Variants in DPP10 observed in about 807,000 individuals in gnomAD.
DPP10 encodes the protein dipeptidyl peptidase like 10.
A neutral mutation model predicts 120.9 loss-of-function variants in DPP10; 33 were observed. The ratio of observed to expected loss-of-function variants is 0.27; its 90% CI spans 0.21 to 0.37. The LOEUF (loss-of-function observed/expected upper bound fraction) is 0.37. Ranked by LOEUF, DPP10 falls within the 10% of genes least tolerant of loss-of-function variation. The probability of loss-of-function intolerance (pLI) is 1.00; values close to 1 mark genes in which losing one functional copy is unlikely to be tolerated. For missense variants in DPP10, 816 were observed against 942.8 expected (o/e 0.87, Z 1.76); for synonymous variants, 337 against 326.1 (o/e 1.03, Z -0.36).
chr2:115,708,311 G>C (rs2092201039), intron 7 of DPP10, among the ~76,000 whole-genome samples: 2 of 151,850 alleles, frequency 1.3e-5, no homozygotes, highest in South Asian at 4.2e-4. Flanking sequence ...ACTGTGACTT[G>C]GACCTTAATT....
At chr2:115,405,229 G>T (rs536245253) in intron 3 of DPP10, among the ~76,000 whole-genome samples, 1 of 152,292 alleles carries the variant, frequency 6.6e-6, no homozygotes, top group East Asian at 1.9e-4. Context: ...TTCCAAAAGG[G>T]AGAGAGAGGC....
Position 114,897,609 on chromosome 2 carries a change from G to A in DPP10, c.61-411630G>A, listed in dbSNP as rs1208936412. Among the ~76,000 whole-genome samples the A allele has an allele frequency of 2.0e-5, 3 of 151,562 alleles. No individual in the cohort carries two copies. In the East Asian group the frequency reaches 5.8e-4, roughly 29 times the overall value. Reference sequence around the variant, plus strand: ...TCACAACCTACTCATCTGACAAAGGGCTAATATCCAGAATCTACAATGAAC... The same window carrying A: ...TCACAACCTACTCATCTGACAAAGGACTAATATCCAGAATCTACAATGAAC... On this transcript the variant is annotated intron_variant, in intron 1 of 25. Transcript: ENST00000410059.
At chr2:115,021,645 T>C (rs1208635990) in intron 1 of DPP10, among the ~76,000 whole-genome samples, 1 of 152,148 alleles carries the variant, frequency 6.6e-6, no homozygotes, top group Non-Finnish European at 1.5e-5. Flanking sequence ...GAGGGAATCC[T>C]ACCTAAATCG....
At chr2:114,918,778 T>A (rs372047405) in intron 1 of DPP10, among the ~76,000 whole-genome samples, 1 of 152,008 alleles carries the variant, frequency 6.6e-6, no homozygotes, top group African/African-American at 2.4e-5. Context: ...GGATCAATAG[T>A]CACTGGGAAT....
intron 7 of DPP10, among the ~76,000 whole-genome samples, chr2:115,715,198 G>A (rs1159967017): frequency 1.3e-5 from 2 of 151,528 alleles, no homozygotes; most frequent in South Asian, 2.1e-4. Flanking sequence ...AATTAGCTGG[G>A]CGTGGTGGCA....
At chr2:114,950,587 T>A (rs1051080445) in intron 1 of DPP10, among the ~76,000 whole-genome samples, 1 of 151,900 alleles carries the variant, frequency 6.6e-6, no homozygotes. Flanking sequence ...TAATACAACA[T>A]CTTGAATACC....
At chr2:115,456,308 C>A (rs1233564275) in intron 3 of DPP10, among the ~76,000 whole-genome samples, 1 of 152,088 alleles carries the variant, frequency 6.6e-6, no homozygotes, top group Non-Finnish European at 1.5e-5. Flanking sequence ...AGTCAGGAAA[C>A]AACAGATGCT....
At chr2:114,457,989 T>C (rs146790006) in intron 1 of DPP10, among the ~76,000 whole-genome samples, 66 of 152,306 alleles carry the variant, frequency 4.3e-4, no homozygotes, top group African/African-American at 1.5e-3. Flanking sequence ...ATTCCTTATG[T>C]GCTGTCGGAA....
chr2:114,793,383 T>A (rs1434606677), intron 1 of DPP10, among the ~76,000 whole-genome samples: 3 of 152,026 alleles, frequency 2.0e-5, no homozygotes, highest in African/African-American at 7.2e-5. Context: ...CACTTATGAG[T>A]GAGGACATGT....
chr2:115,221,754 G>GTTTTTT (rs56077672), intron 1 of DPP10, among the ~76,000 whole-genome samples: 126 of 120,130 alleles, frequency 1.0e-3, no homozygotes, highest in East Asian at 2.1e-3. Flanking sequence ...GTTTGTTTCT[G>GTTTTTT]TTTTTTTTTT....
At chr2:115,428,615 T>C (rs1251671179) in intron 3 of DPP10, among the ~76,000 whole-genome samples, 4 of 152,046 alleles carry the variant, frequency 2.6e-5, no homozygotes, top group Admixed American at 2.0e-4. Context: ...CACCAAGCCA[T>C]GAGGAAACCA....
In DPP10 at chr2:115,768,308, C is replaced by T. The variant is rs760092590; in HGVS notation, c.1125C>T (p.Pro375=). 3.0e-5 allele frequency: 48 copies of T among 1,613,258 alleles called. No homozygotes were observed. Among genetic ancestry groups the T allele is most frequent in the Non-Finnish European group, 3.3e-5 (39 of 1,179,582 alleles). The part of the protein sequence containing the change: ...DTWLSQQNEE[P]VFSRDGSKFF... Reference sequence around the variant, plus strand: ...CTTCTGTATTTTAGAATGAGGAGCCCGTGTTTTCTAGAGACGGCAGCAAAT... The same window carrying T: ...CTTCTGTATTTTAGAATGAGGAGCCTGTGTTTTCTAGAGACGGCAGCAAAT... Residue 375 remains proline, a synonymous_variant, in exon 13 of 26, where the codon CCC becomes CCT. Transcript: ENST00000410059.
At chr2:115,387,341 C>T (rs1410923760) in intron 3 of DPP10, among the ~76,000 whole-genome samples, 4 of 152,104 alleles carry the variant, frequency 2.6e-5, no homozygotes, top group Admixed American at 2.0e-4. Flanking sequence ...GCTACAACAA[C>T]TTATTTTTAG....
At chr2:114,722,273 C>T (rs1701745358) in intron 1 of DPP10, among the ~76,000 whole-genome samples, 1 of 152,150 alleles carries the variant, frequency 6.6e-6, no homozygotes, top group South Asian at 2.1e-4. Context: ...TAGCACTACA[C>T]TATTTTTGTC....
chr2:114,497,282 T>C (rs185441713), intron 1 of DPP10, among the ~76,000 whole-genome samples: 1,705 of 128,098 alleles, frequency 0.013, 62 homozygotes, highest in African/African-American at 0.053. Flanking sequence ...CATGTATACG[T>C]GTATACATGT....
At chr2:114,898,359 AT>A (rs1693228561) in intron 1 of DPP10, among the ~76,000 whole-genome samples, 1 of 138,634 alleles carries the variant, frequency 7.2e-6, no homozygotes, top group East Asian at 2.5e-4. Flanking sequence ...GGGGTGGGGG[AT>A]GGGGGGAGGG....
At chr2:114,611,416 G>T (rs1488911659) in intron 1 of DPP10, among the ~76,000 whole-genome samples, 1 of 152,028 alleles carries the variant, frequency 6.6e-6, no homozygotes, top group African/African-American at 2.4e-5. Context: ...TTACAGAAAT[G>T]CATAAAGATG....
In DPP10 at chr2:115,060,243, A is replaced by G. The variant is rs1706293916; in HGVS notation, c.61-248996A>G. ...CTATATATATAGTATATATAAAGAA[A>G]TACATATATAATATATGCATGTGAT... On this transcript the variant is annotated intron_variant, in intron 1 of 25. Transcript: ENST00000410059. Among the ~76,000 whole-genome samples, 7 of 149,620 alleles carry G rather than the reference A, an allele frequency of 4.7e-5. No individual in the cohort carries two copies. The Admixed American group carries it at 4.7e-4, about 10-fold the overall frequency.
At chr2:115,516,117 G>C (rs1033390723) in intron 4 of DPP10, among the ~76,000 whole-genome samples, 7 of 152,078 alleles carry the variant, frequency 4.6e-5, no homozygotes, top group African/African-American at 1.7e-4. Flanking sequence ...AACTCAACTA[G>C]TGAATGTCTG....
Sources: gnomAD v4.1 joint callset for allele counts (sites outside exome capture counted in the v4.1 genomes callset) on GRCh38, gnomAD v4.1.1 for gene constraint, MANE v1.5 for transcripts, NCBI Gene and HGNC (gene_info 2026-07-23, HGNC 2026-07-21) for gene names.